Variants in CNOT8 observed in about 807,000 individuals in gnomAD.
The protein encoded by CNOT8 is CAF1-like protein.
Under a neutral mutation model 34.6 loss-of-function variants are expected in CNOT8, and 18 were observed. The observed-to-expected ratio is 0.52, with a 90% CI of 0.36 to 0.77. The LOEUF (loss-of-function observed/expected upper bound fraction) is 0.77, where lower values mean the gene tolerates loss of function less well. Among genes scored for constraint, CNOT8 ranks in the 30% least tolerant of loss-of-function variants. The probability of loss-of-function intolerance (pLI) is 0.00; values close to 1 mark genes in which losing one functional copy is unlikely to be tolerated. For missense variants in CNOT8, 189 were observed against 347.9 expected (o/e 0.54, Z 3.63); for synonymous variants, 101 against 118.8 (o/e 0.85, Z 0.98).
At chr5:154,873,418 C>T (rs187891324) in intron 6 of CNOT8, among the ~76,000 whole-genome samples, 1 of 151,980 alleles carries the variant, frequency 6.6e-6, no homozygotes, top group African/African-American at 2.4e-5. Context: ...TTTTCTGATT[C>T]CTGTAATAGA....
intron 6 of CNOT8, among the ~76,000 whole-genome samples, chr5:154,874,324 C>T (rs112791974): frequency 2.6e-5 from 4 of 152,010 alleles, no homozygotes; most frequent in African/African-American, 9.6e-5. Flanking sequence ...CACCTGTAAT[C>T]CCAGCACTTT....
intron 6 of CNOT8, among the ~76,000 whole-genome samples, chr5:154,874,247 C>T (rs1266764919): frequency 1.3e-5 from 2 of 151,880 alleles, no homozygotes; most frequent in East Asian, 2.0e-4. Context: ...GAGCCTTTCT[C>T]CTATAGAGAA....
chr5:154,868,268 C>CTTTTTTTTT (rs543872202), intron 3 of CNOT8, among the ~76,000 whole-genome samples: 1 of 103,926 alleles, frequency 9.6e-6, no homozygotes, highest in Non-Finnish European at 1.9e-5. Flanking sequence ...CTTTTCTTTT[C>CTTTTTTTTT]TTTTTTTTTT....
chr5:154,875,694 C>T lies in CNOT8; in HGVS notation c.*255C>T. On this transcript the variant is annotated 3_prime_UTR_variant, in exon 7 of 7. Transcript: ENST00000285896. ...CGAGCCTCTCCTCTCTGGTTGCCTC[C>T]TGCCACCAGCATCCATGGCTCATTT... 1 of 381,668 alleles carries T rather than the reference C, an allele frequency of 2.6e-6. No individual in the cohort carries two copies. The highest frequency in any genetic ancestry group is 4.7e-6 in the Non-Finnish European group (1 of 210,826). 23.6% of individuals were successfully genotyped at this position (381,668 alleles called of 1,614,324 possible). A position where few individuals can be genotyped will look rare whatever the true frequency, so the allele number is the denominator to read the frequency against.
intron 1 of CNOT8, among the ~76,000 whole-genome samples, chr5:154,862,955 C>T (rs1761489790): frequency 6.6e-6 from 1 of 152,106 alleles, no homozygotes; most frequent in African/African-American, 2.4e-5. Flanking sequence ...GGTTTCACTT[C>T]TGTGGCAGAG....
At chr5:154,863,031 G>C (rs757588791) in intron 1 of CNOT8, among the ~76,000 whole-genome samples, 176 bp from the exon 2 acceptor site, 2 of 152,122 alleles carry the variant, frequency 1.3e-5, no homozygotes, top group Admixed American at 6.6e-5. Flanking sequence ...GTGTGCGTGT[G>C]TGCATGTGTG....
chr5:154,858,759 G>C lies in CNOT8; in HGVS notation c.-82G>C, dbSNP rs912863993. On this transcript the variant is annotated 5_prime_UTR_variant, in exon 1 of 7. Coordinates refer to ENST00000285896, the MANE Select transcript of CNOT8 (RefSeq NM_001301073.2). The stretch of plus-strand genomic sequence containing the variant: ...CGCCAGCCAGCGCTTCGCGGGCCCT[G>C]TCGGTCCCGGTAAGCGGGCCTGCGC... The C allele has an allele frequency of 6.6e-6, 1 of 152,062 alleles. No homozygotes were observed. Among genetic ancestry groups the C allele is most frequent in the Admixed American group, 6.6e-5 (1 of 15,262 alleles). 9.4% of individuals were successfully genotyped at this position (152,062 alleles called of 1,614,324 possible). A position where few individuals can be genotyped will look rare whatever the true frequency, so the allele number is the denominator to read the frequency against.
rs1429668925 is a variant in CNOT8, at chr5:154,871,722, T to G, written c.474-8T>G. On this transcript the variant is annotated splice_polypyrimidine_tract_variant and splice_region_variant and intron_variant, in intron 4 of 6. Coordinates refer to ENST00000285896, the MANE Select transcript of CNOT8 (RefSeq NM_001301073.2). ...CTTTTTTAACCTCTGTGGTTTATTC[T>G]CTTGTAGTGGCTATGATTTTGGCTA... The G allele has an allele frequency of 6.2e-7, 1 of 1,613,710 alleles. No homozygotes were observed. The highest frequency in any genetic ancestry group is 8.5e-7 in the Non-Finnish European group (1 of 1,179,886).
intron 2 of CNOT8, among the ~76,000 whole-genome samples, chr5:154,864,001 C>A (rs1462132104): frequency 6.6e-6 from 1 of 151,942 alleles, no homozygotes; most frequent in Non-Finnish European, 1.5e-5. Flanking sequence ...TCCTGCCTGA[C>A]ACTGGCTGGA....
At chr5:154,871,926 G>T in intron 5 of CNOT8, 52 bp downstream of exon 5, 1 of 1,525,694 alleles carries the variant, frequency 6.6e-7, no homozygotes, top group African/African-American at 1.4e-5. Flanking sequence ...CAGAAAAAAA[G>T]CTGACTTTGC....
intron 3 of CNOT8, among the ~76,000 whole-genome samples, chr5:154,867,380 T>A (rs538735683): frequency 4.6e-5 from 7 of 152,188 alleles, no homozygotes; most frequent in Non-Finnish European, 1.0e-4. Context: ...ATTTTTTCAG[T>A]TTTTTTCATG....
chr5:154,873,688 G>T (rs563398839), intron 6 of CNOT8, among the ~76,000 whole-genome samples: 1 of 152,274 alleles, frequency 6.6e-6, no homozygotes, highest in South Asian at 2.1e-4. Flanking sequence ...TGTAGACATG[G>T]ATCTCCTTTT....
At chr5:154,861,670 G>T (rs1209415309) in intron 1 of CNOT8, among the ~76,000 whole-genome samples, 1 of 152,194 alleles carries the variant, frequency 6.6e-6, no homozygotes, top group African/African-American at 2.4e-5. Context: ...TGCCTTAGAA[G>T]TAAGTGCCTT....
chr5:154,864,188 C>T (rs967094783), intron 2 of CNOT8, among the ~76,000 whole-genome samples: 16 of 152,254 alleles, frequency 1.1e-4, no homozygotes, highest in Admixed American at 3.9e-4. Flanking sequence ...TGGCCGGGCG[C>T]GGTGGCTCAC....
chr5:154,858,385 C>G (rs919435516), upstream of CNOT8: 1 of 152,246 alleles, frequency 6.6e-6, no homozygotes, highest in African/African-American at 2.4e-5. Context: ...TCGGCGGCAC[C>G]CTGTTACTTC....
intron 3 of CNOT8, among the ~76,000 whole-genome samples, chr5:154,866,463 AT>A (rs1761886407): frequency 6.6e-6 from 1 of 152,116 alleles, no homozygotes; most frequent in Admixed American, 6.5e-5. Flanking sequence ...GGTTCAAGTA[AT>A]TTTGGGAGAT....
In CNOT8 at chr5:154,875,395, G is replaced by A. The variant is rs1345882287; in HGVS notation, c.835G>A (p.Glu279Lys). The change falls in exon 7 of 7, where the codon GAG (glutamate) becomes AAG (lysine). Residue 279 changes from glutamate (E) to lysine (K), a missense_variant. This residue lies in a region of CNOT8 where 29 missense variants were observed against 26.1 expected (regional missense o/e 1.11). Coordinates refer to ENST00000285896, the MANE Select transcript of CNOT8 (RefSeq NM_001301073.2). ...KQNEDVDSAQ[E>K]KMSILAIINN... ...GAATGAGGATGTGGACTCTGCCCAG[G>A]AGAAGATGAGCATCCTGGCGATTAT... 5 of 1,614,082 alleles carry A rather than the reference G, an allele frequency of 3.1e-6. No individual in the cohort carries two copies. Among genetic ancestry groups the A allele is most frequent in the Non-Finnish European group, 4.2e-6 (5 of 1,180,046 alleles).
At chr5:154,867,067 A>G (rs1761965011) in intron 3 of CNOT8, among the ~76,000 whole-genome samples, 1 of 152,194 alleles carries the variant, frequency 6.6e-6, no homozygotes, top group South Asian at 2.1e-4. Context: ...TGGTTTTCTT[A>G]TTGTCTAACC....
intron 6 of CNOT8, among the ~76,000 whole-genome samples, chr5:154,874,299 G>A (rs774058806): frequency 2.0e-5 from 3 of 152,028 alleles, no homozygotes; most frequent in Non-Finnish European, 4.4e-5. Flanking sequence ...GGTTTAGGCC[G>A]GGTGCGGTGG....
Sources: allele counts gnomAD v4.1 joint callset (sites outside exome capture counted in the v4.1 genomes callset), GRCh38; gene constraint gnomAD v4.1.1; regional missense constraint gnomAD v4.1.1; transcripts MANE v1.5; gene names NCBI Gene and HGNC (gene_info 2026-07-23, HGNC 2026-07-21).